EDARADD: variants seen among roughly 807,000 people sequenced by gnomAD.
EDARADD encodes EDAR associated via death domain, also known as ectodysplasin-A receptor-associated adapter protein.
A neutral mutation model predicts 25.6 loss-of-function variants in EDARADD; 20 were observed. The observed-to-expected ratio is 0.78, with a 90% CI of 0.55 to 1.14. EDARADD has a LOEUF of 1.14. Ranked by LOEUF, EDARADD falls within the 50% of genes most tolerant of loss-of-function variation. The pLI is 0.00. For missense variants in EDARADD, 225 were observed against 270.1 expected, an observed-to-expected ratio of 0.83 and a Z score of 1.17; for synonymous variants, 86 against 94.4, an observed-to-expected ratio of 0.91 and a Z score of 0.52.
At chr1:236,383,660 C>T (rs1667324966) in intron 3 of EDARADD, among the ~76,000 whole-genome samples, 1 of 152,102 alleles carries the variant, frequency 6.6e-6, no homozygotes, top group Admixed American at 6.6e-5. Flanking sequence ...AATATACAGA[C>T]TGGATTTTTT....
At chr1:236,365,035 C>T (rs1037360322) in intron 3 of EDARADD, among the ~76,000 whole-genome samples, 13 of 152,152 alleles carry the variant, frequency 8.5e-5, no homozygotes, top group African/African-American at 2.9e-4. Context: ...TTTTCTATAT[C>T]GGTTTGAGGA....
chr1:236,453,958 A>G (rs1658779496), intron 4 of EDARADD, among the ~76,000 whole-genome samples: 1 of 151,380 alleles, frequency 6.6e-6, no homozygotes, highest in Non-Finnish European at 1.5e-5. Flanking sequence ...TAGCCACCCA[A>G]TACATAGTGA....
At chr1:236,441,601 G>A (rs1226517027) in intron 4 of EDARADD, among the ~76,000 whole-genome samples, 1 of 150,738 alleles carries the variant, frequency 6.6e-6, no homozygotes, top group Non-Finnish European at 1.5e-5. Context: ...TCCGCTCACT[G>A]CAACCTCCAC....
At chr1:236,458,646 T>C (rs572143276) in intron 4 of EDARADD, among the ~76,000 whole-genome samples, 275 of 145,052 alleles carry the variant, frequency 1.9e-3, no homozygotes, top group African/African-American at 6.3e-3. Context: ...TTTTTCTTTT[T>C]TTTTTTTTTT....
intron 4 of EDARADD, among the ~76,000 whole-genome samples, chr1:236,457,751 G>A (rs1253608): frequency 0.31 from 46,785 of 150,276 alleles, 8,592 homozygotes; most frequent in East Asian, 0.51. Context: ...CCCAGGAGGC[G>A]GAGGCTGCAG....
At chr1:236,422,965 C>T (rs1328673275) in intron 3 of EDARADD, among the ~76,000 whole-genome samples, 4 of 152,204 alleles carry the variant, frequency 2.6e-5, no homozygotes, top group Non-Finnish European at 4.4e-5. Flanking sequence ...CAGTATGCAG[C>T]TAGCAGTTGC....
chr1:236,450,871 G>A (rs183570708), intron 4 of EDARADD, among the ~76,000 whole-genome samples: 1 of 152,136 alleles, frequency 6.6e-6, no homozygotes, highest in African/African-American at 2.4e-5. Context: ...TTTTCAAAAT[G>A]ACCTTATGCA....
At chr1:236,481,794 A>AG (rs2103042229) in intron 5 of EDARADD, among the ~76,000 whole-genome samples, 1 of 148,766 alleles carries the variant, frequency 6.7e-6, no homozygotes, top group South Asian at 2.1e-4. Flanking sequence ...AAAAAAAAAA[A>AG]AAGAACAGTA....
In EDARADD at chr1:236,480,583, G is replaced by A. The variant is rs1032704347; in HGVS notation, c.266-1684G>A. ...ATTCTTTACCTTCCGAAACTGGGAA[G>A]GCCATGACTCAATGTTATATATATA... On this transcript the variant is annotated intron_variant, in intron 5 of 5. Coordinates refer to ENST00000334232, the MANE Select transcript of EDARADD (RefSeq NM_145861.4). Among the ~76,000 whole-genome samples, 4 of 152,034 alleles carry A rather than the reference G, an allele frequency of 2.6e-5. No individual in the cohort carries two copies. The East Asian group carries it at 7.7e-4, about 29-fold the overall frequency.
At chr1:236,369,159 T>A (rs1162840675) in intron 3 of EDARADD, among the ~76,000 whole-genome samples, 1 of 152,154 alleles carries the variant, frequency 6.6e-6, no homozygotes, top group African/African-American at 2.4e-5. Flanking sequence ...GCTATTCTTC[T>A]TCAATATTGA....
intron 1 of EDARADD, among the ~76,000 whole-genome samples, chr1:236,406,845 C>G (rs1159370134): frequency 6.6e-6 from 1 of 152,258 alleles, no homozygotes; most frequent in Non-Finnish European, 1.5e-5. Context: ...AGTGCTGGGT[C>G]TGGGTGTCCC....
At chr1:236,454,273 C>A (rs1658794885) in intron 4 of EDARADD, among the ~76,000 whole-genome samples, 1 of 152,174 alleles carries the variant, frequency 6.6e-6, no homozygotes, top group African/African-American at 2.4e-5. Context: ...TGGTCTCGAT[C>A]TCCTGACCTT....
chr1:236,409,101 C>A, intron 1 of EDARADD, 115 bp from the exon 2 acceptor site: 73 of 436,222 alleles, frequency 1.7e-4, no homozygotes, highest in Non-Finnish European at 2.2e-4. Flanking sequence ...GTAAGGTTTT[C>A]TTCAGCCTAA....
chr1:236,400,763 C>T (rs1572129957), intron 1 of EDARADD, among the ~76,000 whole-genome samples: 2 of 139,596 alleles, frequency 1.4e-5, no homozygotes, highest in African/African-American at 2.6e-5. Context: ...GATGGGGTCT[C>T]GCCATATTGC....
In EDARADD at chr1:236,484,660, A is replaced by T; in HGVS notation, c.*2011A>T. 2.3e-6 allele frequency: 1 copy of T among 441,134 alleles called. No individual in the cohort carries two copies. The allele number at this position is 441,134 out of a possible 1,614,324, so 27.3% of individuals were successfully genotyped here. On this transcript the variant is annotated 3_prime_UTR_variant, in exon 6 of 6. Coordinates refer to ENST00000334232, the MANE Select transcript of EDARADD (RefSeq NM_145861.4). This position sits in a 1 kb window ranked among gnomAD's most constrained non-coding sequence, Gnocchi z 4.1. ...CAGAAGCAGGTTGCAGTGAGCCGAG[A>T]TTGCGCCACTGCACACCAGTCTGGA...
rs111387874 is a variant in EDARADD at position 236,458,536 on chromosome 1, T to G, written c.220-9695T>G. Among the ~76,000 whole-genome samples the G allele has an allele frequency of 7.9e-4, 120 of 152,178 alleles. 2 individuals carry two copies. The highest frequency in any genetic ancestry group is 2.8e-3 in the African/African-American group (117 of 41,524). ...GAGATGGGATTGAGAGACGTAATAA[T>G]AGATTGAGAGAAAAAGATTTTCCCA... On this transcript the variant is annotated intron_variant, in intron 4 of 5. Coordinates refer to ENST00000334232, the MANE Select transcript of EDARADD (RefSeq NM_145861.4).
At chr1:236,376,417 T>A (rs1357982424) in intron 3 of EDARADD, among the ~76,000 whole-genome samples, 1 of 152,224 alleles carries the variant, frequency 6.6e-6, no homozygotes, top group East Asian at 1.9e-4. Context: ...TTGTGCAGGA[T>A]AATTTTGCAG....
chr1:236,477,412 G>C (rs558994241), intron 5 of EDARADD, among the ~76,000 whole-genome samples: 1 of 152,280 alleles, frequency 6.6e-6, no homozygotes, highest in Non-Finnish European at 1.5e-5. Flanking sequence ...CTACTCGGGA[G>C]GCTCAGGCAG....
At chr1:236,459,611 C>CCTTTT (rs776064017) in intron 4 of EDARADD, among the ~76,000 whole-genome samples, 1 of 100,458 alleles carries the variant, frequency 1.0e-5, no homozygotes. Context: ...TTATTTAGCT[C>CCTTTT]TTTTTTTTTT....
Sources: gnomAD v4.1 joint callset for allele counts (sites outside exome capture counted in the v4.1 genomes callset) on GRCh38, gnomAD v4.1.1 for gene constraint, Gnocchi (gnomAD v3.1) non-coding constraint, MANE v1.5 for transcripts, NCBI Gene and HGNC (gene_info 2026-07-23, HGNC 2026-07-21) for gene names.